Variants in INSL6 observed in about 807,000 individuals in gnomAD.
The protein encoded by INSL6 is insulin like 6.
A neutral mutation model predicts 9.4 loss-of-function variants in INSL6; 16 were observed. That is an observed-to-expected ratio of 1.70 (90% confidence interval 1.15 to 2.59). INSL6 has a LOEUF of 2.59. Among genes scored for constraint, INSL6 ranks in the 30% most tolerant of loss-of-function variants. The pLI is 0.00. For synonymous variants in INSL6, 154 were observed against 96.9 expected (o/e 1.59, Z -3.46); for missense variants, 391 against 257.3 (o/e 1.52, Z -3.56).
the INSL6 span, among the ~76,000 whole-genome samples, chr9:5,010,572 C>T: frequency 6.6e-6 from 1 of 152,160 alleles, no homozygotes; most frequent in Non-Finnish European, 1.5e-5. Flanking sequence ...TCACCCGCCT[C>T]GGCCTCCCAA....
intron 2 of INSL6, among the ~76,000 whole-genome samples, chr9:5,150,020 G>A (rs1824680320): frequency 6.6e-6 from 1 of 152,158 alleles, no homozygotes; most frequent in Non-Finnish European, 1.5e-5. Flanking sequence ...TTTAAAAATG[G>A]TGCTAGGAAA....
At chr9:5,088,203 C>G in the INSL6 span, among the ~76,000 whole-genome samples, 1 of 152,094 alleles carries the variant, frequency 6.6e-6, no homozygotes, top group African/African-American at 2.4e-5. Context: ...ATTCTAGTTC[C>G]AATCTGACTT....
intron 1 of INSL6, among the ~76,000 whole-genome samples, chr9:5,175,310 C>A (rs1022370579): frequency 6.6e-6 from 1 of 152,146 alleles, no homozygotes; most frequent in Admixed American, 6.5e-5. Context: ...TAGAATTTAA[C>A]AGTTTTCACT....
At chr9:5,062,469 C>A in the INSL6 span, among the ~76,000 whole-genome samples, 1 of 133,696 alleles carries the variant, frequency 7.5e-6, no homozygotes, top group African/African-American at 3.1e-5. Flanking sequence ...TGTACTTGCT[C>A]CACTTAAGTT....
chr9:5,033,105 G>A, the INSL6 span, among the ~76,000 whole-genome samples: 1 of 152,216 alleles, frequency 6.6e-6, no homozygotes, highest in Non-Finnish European at 1.5e-5. Flanking sequence ...GAATGCACAA[G>A]CCTCAGTAGC....
chr9:5,155,978 T>A, intron 2 of INSL6, among the ~76,000 whole-genome samples: 1 of 149,094 alleles, frequency 6.7e-6, no homozygotes, highest in Non-Finnish European at 1.5e-5. Context: ...TAATCAAGAG[T>A]AAAAAAGAAA....
chr9:5,162,880 T>C (rs574454741), downstream of INSL6, among the ~76,000 whole-genome samples: 95 of 152,210 alleles, frequency 6.2e-4, no homozygotes, highest in Non-Finnish European at 1.2e-3. Flanking sequence ...TATCAACTAA[T>C]TAATGGGTAC....
At chr9:5,062,740 C>A in the INSL6 span, among the ~76,000 whole-genome samples, 5 of 151,994 alleles carry the variant, frequency 3.3e-5, no homozygotes, top group Non-Finnish European at 7.4e-5. Context: ...TGGATGTTAT[C>A]AATCTTTTAA....
the INSL6 span, chr9:5,065,171 T>C: frequency 2.1e-6 from 1 of 486,956 alleles, no homozygotes; most frequent in African/African-American, 2.0e-5. Context: ...CAAAAGGCTA[T>C]TTGCAATCAG....
At chr9:5,033,845 T>G in the INSL6 span, among the ~76,000 whole-genome samples, 1 of 152,048 alleles carries the variant, frequency 6.6e-6, no homozygotes, top group Non-Finnish European at 1.5e-5. Context: ...ATGAGCAAAA[T>G]AACCAGGTAA....
intron 2 of INSL6, among the ~76,000 whole-genome samples, chr9:5,156,838 A>C: frequency 6.6e-6 from 1 of 152,184 alleles, no homozygotes; most frequent in East Asian, 1.9e-4. Flanking sequence ...GTTACAGGAT[A>C]CAAACACATA....
At position 5,164,020 on chromosome 9, in the gene INSL6, A is replaced by C. The variant is rs764909150; in HGVS notation, c.535T>G (p.Cys179Gly). Residue 179 changes from cysteine to glycine, a missense_variant, in exon 2 of 2, where the codon TGT (cysteine) becomes GGT (glycine). By Grantham distance (159) the Cys-to-Gly change is radical. Coordinates refer to ENST00000381641, the MANE Select transcript of INSL6 (RefSeq NM_007179.3). The stretch of plus-strand genomic sequence containing the variant: ...TCTTCTTTTGTACATCCTGTAAGAC[A>C]ACACTTTTCTGAATATCCTCTGCGT... ...RKRRGYSEKC[C>G]LTGCTKEELS... The C allele has an allele frequency of 6.2e-7, 1 of 1,613,648 alleles. No individual in the cohort carries two copies. Among genetic ancestry groups the C allele is most frequent in the Non-Finnish European group, 8.5e-7 (1 of 1,179,820 alleles).
the INSL6 span, among the ~76,000 whole-genome samples, chr9:5,013,562 A>C: frequency 2.0e-5 from 3 of 152,306 alleles, no homozygotes; most frequent in African/African-American, 7.2e-5. Context: ...ACTTGTCTCT[A>C]CTTTGTTCCA....
At chr9:5,091,062 T>TAGG in the INSL6 span, 1 of 580,552 alleles carries the variant, frequency 1.7e-6, no homozygotes, top group African/African-American at 1.9e-5. Context: ...TTTTTAGGTC[T>TAGG]TATAGTCATG....
chr9:5,046,437 T>C, the INSL6 span, among the ~76,000 whole-genome samples: 2 of 152,214 alleles, frequency 1.3e-5, no homozygotes, highest in Non-Finnish European at 2.9e-5. Context: ...TATTTTTTGT[T>C]TCCTATGTTT....
chr9:5,064,855 G>A, the INSL6 span: 1 of 1,484,480 alleles, frequency 6.7e-7, no homozygotes, highest in South Asian at 1.4e-5. Context: ...TCTAAAAGGT[G>A]CTATTTCTTT....
the INSL6 span, among the ~76,000 whole-genome samples, chr9:5,003,617 A>AT: frequency 6.6e-6 from 1 of 152,046 alleles, no homozygotes; most frequent in Non-Finnish European, 1.5e-5. Flanking sequence ...GATTCTTTTA[A>AT]ATTTCCTACA....
intron 3 of INSL6, among the ~76,000 whole-genome samples, chr9:5,131,199 A>G (rs1347709084): frequency 6.6e-6 from 1 of 152,188 alleles, no homozygotes; most frequent in Non-Finnish European, 1.5e-5. Context: ...CTTGAAGTAT[A>G]CATATCATAC....
At chr9:5,174,954 T>G (rs187432385) in intron 1 of INSL6, among the ~76,000 whole-genome samples, 2 of 152,218 alleles carry the variant, frequency 1.3e-5, no homozygotes, top group East Asian at 3.9e-4. Flanking sequence ...TTTTTTTTTT[T>G]TTTGAGACAG....
Sources: gnomAD v4.1 joint callset for allele counts (sites outside exome capture counted in the v4.1 genomes callset) on GRCh38, gnomAD v4.1.1 for gene constraint, MANE v1.5 for transcripts, NCBI Gene and HGNC (gene_info 2026-07-23, HGNC 2026-07-21) for gene names.